TDRD1: variants seen among roughly 807,000 people sequenced by gnomAD.
The protein encoded by TDRD1 is tudor domain containing 1.
In TDRD1, 37 loss-of-function variants were observed where a neutral mutation model predicts 140.6. That is an observed-to-expected ratio of 0.26 (90% CI 0.20 to 0.35). The LOEUF is 0.35. Among genes scored for constraint, TDRD1 ranks in the 10% least tolerant of loss-of-function variants. TDRD1 has a pLI of 1.00. For missense variants in TDRD1, 1,243 were observed against 1,393.0 expected (o/e 0.89, Z 1.71); for synonymous variants, 506 against 475.7 (o/e 1.06, Z -0.83).
At chr10:114,206,132 A>AT (rs2035083182) in intron 10 of TDRD1, 112 bp from the exon 11 acceptor site, 1 of 766,808 alleles carries the variant, frequency 1.3e-6, no homozygotes, top group Admixed American at 2.4e-5. Context: ...ATACCAACCT[A>AT]TTAATAGCTA....
intron 16 of TDRD1, among the ~76,000 whole-genome samples, chr10:114,215,969 A>G (rs970552890): frequency 1.4e-4 from 22 of 152,080 alleles, no homozygotes; most frequent in Middle Eastern, 6.8e-3. Context: ...TAATTTTTGC[A>G]TTTTTTCTTC....
chr10:114,217,759 T>G (rs1183449713), intron 17 of TDRD1, 104 bp downstream of exon 17: 5 of 629,858 alleles, frequency 7.9e-6, no homozygotes, highest in Non-Finnish European at 1.4e-5. Context: ...ACATTTTTCA[T>G]GGCCAAGAAT....
At chr10:114,213,795 G>A (rs561730682) in intron 15 of TDRD1, among the ~76,000 whole-genome samples, 182 bp from the exon 16 acceptor site, 2 of 152,288 alleles carry the variant, frequency 1.3e-5, no homozygotes, top group South Asian at 2.1e-4. Flanking sequence ...GATCAGAAAT[G>A]TAAATTTGAA....
At chr10:114,186,257 C>G (rs2033512885) in intron 1 of TDRD1, among the ~76,000 whole-genome samples, 2 of 145,130 alleles carry the variant, frequency 1.4e-5, no homozygotes, top group South Asian at 2.1e-4. Flanking sequence ...ACCTGATTCC[C>G]CTGGAGTTTT....
At chr10:114,185,913 G>A (rs1349264711) in intron 1 of TDRD1, among the ~76,000 whole-genome samples, 1 of 152,092 alleles carries the variant, frequency 6.6e-6, no homozygotes, top group Non-Finnish European at 1.5e-5. Context: ...TTAGTTGTTT[G>A]CATAGCACAT....
intron 8 of TDRD1, among the ~76,000 whole-genome samples, 182 bp from the exon 9 acceptor site, chr10:114,203,891 C>T (rs1040672577): frequency 6.6e-6 from 1 of 152,130 alleles, no homozygotes; most frequent in African/African-American, 2.4e-5. Context: ...AATAACATGT[C>T]CTAACTAGAC....
At chr10:114,221,313 A>G (rs953900771) in intron 19 of TDRD1, 44 bp from the exon 20 acceptor site, 10 of 1,584,844 alleles carry the variant, frequency 6.3e-6, no homozygotes, top group African/African-American at 5.4e-5. Flanking sequence ...ACAACAGTAC[A>G]TTTTTTTTAT....
intron 1 of TDRD1, among the ~76,000 whole-genome samples, chr10:114,181,317 T>C (rs1358136663): frequency 6.6e-6 from 1 of 152,084 alleles, no homozygotes; most frequent in Non-Finnish European, 1.5e-5. Flanking sequence ...CATGAAAAAA[T>C]AGTAGATTGT....
chr10:114,229,967 A>G (rs1332361668), intron 25 of TDRD1, among the ~76,000 whole-genome samples: 1 of 151,836 alleles, frequency 6.6e-6, no homozygotes, highest in Non-Finnish European at 1.5e-5. Flanking sequence ...AGTAGCTGGG[A>G]CTATAGGTGC....
upstream of TDRD1, among the ~76,000 whole-genome samples, chr10:114,177,471 A>G (rs978170184): frequency 3.9e-5 from 6 of 152,208 alleles, no homozygotes; most frequent in East Asian, 7.7e-4. Flanking sequence ...ACCAGCAGAA[A>G]AACATCAGAC....
chr10:114,201,585 A>G, intron 5 of TDRD1, 70 bp downstream of exon 5: 1 of 1,306,220 alleles, frequency 7.7e-7, no homozygotes, highest in Non-Finnish European at 1.1e-6. Context: ...GCGTCCAATT[A>G]GTTAAGCAGA....
intron 21 of TDRD1, among the ~76,000 whole-genome samples, chr10:114,225,161 G>A (rs920704091): frequency 6.6e-6 from 1 of 152,174 alleles, no homozygotes; most frequent in Admixed American, 6.5e-5. Context: ...TCTCAGGAGA[G>A]GAAACCTCCA....
At chr10:114,188,031 T>C in exon 2 of TDRD1, 1 of 1,614,158 alleles carries the variant, frequency 6.2e-7, no homozygotes, top group East Asian at 2.2e-5. Flanking sequence ...AAGAACAATT[T>C]TTTGCTTTGT....
chr10:114,205,548 C>G (rs1009904262), intron 10 of TDRD1, among the ~76,000 whole-genome samples: 11 of 152,180 alleles, frequency 7.2e-5, no homozygotes, highest in Non-Finnish European at 1.5e-4. Flanking sequence ...GCTGACCATT[C>G]TTTCAGCCAT....
chr10:114,228,514 T>A (rs2036571144), intron 25 of TDRD1: 1 of 995,414 alleles, frequency 1.0e-6, no homozygotes, highest in South Asian at 4.6e-5. Context: ...GCTGTAAATA[T>A]GTTTAGCACT....
rs571409450 is a variant in TDRD1, at chr10:114,196,168, G to A, written c.385-3005G>A. Among the ~76,000 whole-genome samples the A allele has an allele frequency of 5.3e-4, 80 of 152,266 alleles. 1 individual carries two copies. The Middle Eastern group carries it at 0.02, about 39-fold the overall frequency. On this transcript the variant is annotated intron_variant, in intron 3 of 25. Coordinates refer to ENST00000251864, the Ensembl canonical transcript of TDRD1. ...TGATAGGTTTCATTTATTGGGTCTCGAACTCCTGAGCTCAGTCCTCCCACC... is the reference window on the plus strand; with the variant it reads ...TGATAGGTTTCATTTATTGGGTCTCAAACTCCTGAGCTCAGTCCTCCCACC...
At chr10:114,195,888 C>A (rs954371260) in intron 3 of TDRD1, among the ~76,000 whole-genome samples, 1 of 152,070 alleles carries the variant, frequency 6.6e-6, no homozygotes, top group African/African-American at 2.4e-5. Context: ...CCAGTGTTTT[C>A]AAGTGTGTAT....
At chr10:114,183,377 A>G (rs552555532) in intron 1 of TDRD1, among the ~76,000 whole-genome samples, 2 of 152,222 alleles carry the variant, frequency 1.3e-5, no homozygotes, top group Non-Finnish European at 2.9e-5. Flanking sequence ...TTACTATTAG[A>G]TGATACTTCA....
intron 1 of TDRD1, among the ~76,000 whole-genome samples, chr10:114,185,885 G>A (rs1284063297): frequency 1.3e-5 from 2 of 152,154 alleles, no homozygotes; most frequent in African/African-American, 2.4e-5. Flanking sequence ...CACCGTGCCT[G>A]GCCTAACGTT....
Sources: allele counts gnomAD v4.1 joint callset (sites outside exome capture counted in the v4.1 genomes callset), GRCh38; gene constraint gnomAD v4.1.1; transcripts MANE v1.5; gene names NCBI Gene and HGNC (gene_info 2026-07-23, HGNC 2026-07-21).